Variants in STAU1 observed in about 807,000 individuals in gnomAD.
STAU1 encodes the protein staufen double-stranded RNA binding protein 1, also known as double-stranded RNA-binding protein Staufen homolog 1.
A neutral mutation model predicts 62.9 loss-of-function variants in STAU1; 13 were observed. The ratio of observed to expected loss-of-function variants is 0.21; its 90% CI spans 0.13 to 0.33. The LOEUF (loss-of-function observed/expected upper bound fraction) is 0.33. STAU1 is among the 10% of genes least tolerant of loss of function. The probability of loss-of-function intolerance (pLI) is 1.00; values close to 1 mark genes in which losing one functional copy is unlikely to be tolerated. For missense variants in STAU1, 571 were observed against 712.1 expected, an observed-to-expected ratio of 0.80 and a Z score of 2.25; for synonymous variants, 269 against 265.1, an observed-to-expected ratio of 1.01 and a Z score of -0.14.
intron 1 of STAU1, among the ~76,000 whole-genome samples, chr20:49,180,518 T>G (rs1228394774): frequency 6.6e-6 from 1 of 152,182 alleles, no homozygotes. Flanking sequence ...GAGATGGGGT[T>G]TCACCATGTT....
intron 6 of STAU1, chr20:49,135,102 G>C: frequency 1.1e-6 from 1 of 915,814 alleles, no homozygotes; most frequent in South Asian, 1.3e-5. Context: ...TATTCGTAAC[G>C]TTTTATATAG....
the STAU1 span, among the ~76,000 whole-genome samples, chr20:49,198,661 C>T: frequency 1.6e-4 from 25 of 151,898 alleles, no homozygotes; most frequent in African/African-American, 6.0e-4. Context: ...AAAACTCCAT[C>T]TCTACTAAAA....
the STAU1 span, among the ~76,000 whole-genome samples, chr20:49,195,535 CAAAAAAAAAAA>C: frequency 0.28 from 10,591 of 38,164 alleles, 1,250 homozygotes; most frequent in Admixed American, 0.33. Flanking sequence ...GACTCCGTCT[CAAAAAAAAAAA>C]AAAAAAAAAA....
chr20:49,133,955 C>T (rs565335656), intron 6 of STAU1, among the ~76,000 whole-genome samples: 39 of 152,188 alleles, frequency 2.6e-4, no homozygotes, highest in African/African-American at 8.9e-4. Context: ...AGGGTGCTAG[C>T]ACATAGGAGG....
chr20:49,166,242 T>TTTCAGTGCAGGTTAA lies in STAU1; in HGVS notation c.-56_-42dup. On this transcript the variant is annotated 5_prime_UTR_variant, in exon 3 of 14. Transcript: ENST00000371856. ...AAGTGAACAAATGCAGGTAAACAGC[T>TTTCAGTGCAGGTTAA]TTCAGTGCAGGTTAATTCAGTGCTA... 1 of 1,583,190 alleles carries TTTCAGTGCAGGTTAA rather than the reference T, an allele frequency of 6.3e-7. No individual in the cohort carries two copies.
chr20:49,153,843 C>A (rs1378193055), intron 4 of STAU1, 90 bp downstream of exon 4: 3 of 1,341,076 alleles, frequency 2.2e-6, no homozygotes, highest in Non-Finnish European at 2.9e-6. Context: ...AATCATTACT[C>A]CCTCCACAAT....
chr20:49,211,750 A>C, the STAU1 span, among the ~76,000 whole-genome samples: 9 of 151,994 alleles, frequency 5.9e-5, no homozygotes, highest in African/African-American at 1.7e-4. Flanking sequence ...TCAAGTGATC[A>C]GCCCACCTCA....
Position 49,124,420 on chromosome 20 carries a change from T to C in STAU1, c.777A>G (p.Glu259=). The C allele has an allele frequency of 2.5e-6, 4 of 1,614,204 alleles. No homozygotes were observed. Among genetic ancestry groups the C allele is most frequent in the Non-Finnish European group, 3.4e-6 (4 of 1,180,040 alleles). Residue 259 remains glutamate, a synonymous_variant, in exon 7 of 14, where the codon GAA becomes GAG. Coordinates refer to ENST00000371856, the MANE Select transcript of STAU1 (RefSeq NM_017453.4). ...TCTTTTTGATTCTAGGCTTTACTCG[T>C]TCAACTGCAGGCAGGGGCGGTAACT... The part of the protein sequence containing the change: ...LKKLPPLPAV[E]RVKPRIKKKT...
chr20:49,186,418 T>C (rs1294236308), intron 1 of STAU1, among the ~76,000 whole-genome samples: 1 of 150,960 alleles, frequency 6.6e-6, no homozygotes, highest in Non-Finnish European at 1.5e-5. Context: ...TCTAGGAAAA[T>C]GTCAAAAACA....
chr20:49,117,094 C>T lies in STAU1; in HGVS notation c.1632+32G>A. 4 of 1,611,464 alleles carry T rather than the reference C, an allele frequency of 2.5e-6. No individual in the cohort carries two copies. Among genetic ancestry groups the T allele is most frequent in the African/African-American group, 1.3e-5 (1 of 74,948 alleles). On this transcript the variant is annotated intron_variant, in intron 12 of 13. Coordinates refer to ENST00000371856, the MANE Select transcript of STAU1 (RefSeq NM_017453.4). The surrounding 1 kb of genome is among the most constrained non-coding windows in gnomAD (Gnocchi z 4.6). ...AGGCAGGCTCCACATAAACACACAA[C>T]ACCCCAATCCCTCACCCAAGGTGTG... is the stretch of plus-strand genomic sequence containing the variant.
the STAU1 span, among the ~76,000 whole-genome samples, chr20:49,205,324 TA>T: frequency 6.6e-6 from 1 of 151,804 alleles, no homozygotes; most frequent in Admixed American, 6.6e-5. Flanking sequence ...TATATCCACA[TA>T]TTGCCTGGTC....
At chr20:49,141,141 G>A (rs934188522) in intron 5 of STAU1, among the ~76,000 whole-genome samples, 3 of 152,136 alleles carry the variant, frequency 2.0e-5, no homozygotes, top group African/African-American at 4.8e-5. Flanking sequence ...TTTGTTCATT[G>A]TATCAGCCCA....
intron 4 of STAU1, among the ~76,000 whole-genome samples, chr20:49,152,765 A>G (rs544510552): frequency 6.9e-4 from 105 of 152,312 alleles, no homozygotes; most frequent in Admixed American, 2.3e-3. Flanking sequence ...AAAAGTACCC[A>G]ATAATCAGGT....
intron 3 of STAU1, among the ~76,000 whole-genome samples, chr20:49,157,382 C>A (rs540877732): frequency 1.3e-5 from 2 of 152,014 alleles, no homozygotes; most frequent in Non-Finnish European, 2.9e-5. Flanking sequence ...TCAAATGGCA[C>A]AATCATAGCT....
At chr20:49,216,280 T>G in the STAU1 span, among the ~76,000 whole-genome samples, 6 of 151,730 alleles carry the variant, frequency 4.0e-5, no homozygotes, top group South Asian at 1.3e-3. Flanking sequence ...AATCCTAGCA[T>G]TTTGGGAGGC....
the STAU1 span, among the ~76,000 whole-genome samples, chr20:49,195,904 A>AAG: frequency 1.9e-4 from 18 of 95,364 alleles, no homozygotes; most frequent in East Asian, 0.01. Flanking sequence ...CTCTCAAAAA[A>AAG]AAAAAAAAAA....
chr20:49,118,174 C>A, intron 10 of STAU1, 78 bp from the exon 11 acceptor site: 1 of 1,474,018 alleles, frequency 6.8e-7, no homozygotes, highest in Non-Finnish European at 9.4e-7. Context: ...AAACCCCACG[C>A]TGGCCCTCCC....
chr20:49,213,560 A>G, the STAU1 span, among the ~76,000 whole-genome samples: 1 of 152,146 alleles, frequency 6.6e-6, no homozygotes, highest in Non-Finnish European at 1.5e-5. Context: ...ATTATAATCA[A>G]TGCTGAAAAG....
In STAU1 at chr20:49,114,567, G is replaced by T; in HGVS notation, c.*311C>A. ...GAAAAAAAAGACCAAACACGGAGGT[G>T]CCCAGGGTGTGGATCTGCTGGTGTC... On this transcript the variant is annotated 3_prime_UTR_variant, in exon 14 of 14. Coordinates refer to ENST00000371856, the MANE Select transcript of STAU1 (RefSeq NM_017453.4). The T allele has an allele frequency of 2.6e-6, 1 of 385,350 alleles. No homozygotes were observed. Among genetic ancestry groups the T allele is most frequent in the Non-Finnish European group, 4.7e-6 (1 of 212,160 alleles). 23.9% of individuals were successfully genotyped at this position (385,350 alleles called of 1,614,324 possible). A position where few individuals can be genotyped will look rare whatever the true frequency, so the allele number is the denominator to read the frequency against.
Sources: allele counts gnomAD v4.1 joint callset (sites outside exome capture counted in the v4.1 genomes callset), GRCh38; gene constraint gnomAD v4.1.1; non-coding constraint Gnocchi (gnomAD v3.1); transcripts MANE v1.5; gene names NCBI Gene and HGNC (gene_info 2026-07-23, HGNC 2026-07-21).